The following KNDC1 variants were observed in gnomAD, a reference collection of about 807,000 sequenced individuals.
KNDC1 encodes the protein kinase non-catalytic C-lobe domain containing 1.
Under a neutral mutation model 172.8 loss-of-function variants are expected in KNDC1, and 106 were observed. The observed-to-expected ratio is 0.61, with a 90% CI of 0.52 to 0.72. KNDC1 has a LOEUF of 0.72. KNDC1 is among the 30% of genes least tolerant of loss of function. KNDC1 has a pLI of 0.00. For synonymous variants in KNDC1, 1,083 were observed against 1,062.2 expected (o/e 1.02, Z -0.38); for missense variants, 2,325 against 2,394.5 (o/e 0.97, Z 0.61).
chr10:133,194,631 T>G (rs911165814), intron 9 of KNDC1, among the ~76,000 whole-genome samples: 12 of 152,234 alleles, frequency 7.9e-5, no homozygotes, highest in Non-Finnish European at 1.8e-4. Flanking sequence ...GCTGTCTGCG[T>G]CTGCTGTGCC....
At chr10:133,215,786 G>A (rs1845458643) in intron 26 of KNDC1, among the ~76,000 whole-genome samples, 1 of 152,246 alleles carries the variant, frequency 6.6e-6, no homozygotes, top group African/African-American at 2.4e-5. Flanking sequence ...GCTCGTCCTG[G>A]TCACGCACCC....
chr10:133,179,603 A>C (rs11101615), intron 3 of KNDC1, among the ~76,000 whole-genome samples: 59,044 of 151,612 alleles, frequency 0.39, 13,278 homozygotes, highest in South Asian at 0.65. Flanking sequence ...TGAACTGAAA[A>C]CCACTTGGCT....
intron 10 of KNDC1, 36 bp downstream of exon 10, chr10:133,195,857 C>T: frequency 6.7e-7 from 1 of 1,482,532 alleles, no homozygotes; most frequent in Non-Finnish European, 9.0e-7. Flanking sequence ...AGCCCAGGGT[C>T]CAAGGACTGT....
Position 133,207,266 on chromosome 10 carries a change from G to A in KNDC1, c.3709G>A (p.Val1237Ile), listed in dbSNP as rs199867823. 11 of 1,613,096 alleles carry A rather than the reference G, an allele frequency of 6.8e-6. No homozygotes were observed. Among genetic ancestry groups the A allele is most frequent in the Middle Eastern group, 1.6e-4 (1 of 6,062 alleles). Reference sequence around the variant, plus strand: ...GTCCTCCTCGCTCATCTTCTACAACGTCAACAAGCACCCGGGCGGCCGGCA... The same window carrying A: ...GTCCTCCTCGCTCATCTTCTACAACATCAACAAGCACCCGGGCGGCCGGCA... ...DESSSLIFYN[V>I]NKHPGGRQKA... The change falls in exon 20 of 30, where the codon GTC (valine) becomes ATC (isoleucine). Residue 1237 changes from valine (V) to isoleucine (I), a missense_variant. Physicochemically the swap from Val to Ile is conservative, Grantham distance 29. Transcript: ENST00000304613.
At position 133,162,210 on chromosome 10, in the gene KNDC1, C is replaced by G. The variant is rs1852999042; in HGVS notation, c.102+1641C>G. Among the ~76,000 whole-genome samples the G allele has an allele frequency of 2.6e-5, 4 of 152,212 alleles. No individual in the cohort carries two copies. In the South Asian group the frequency reaches 8.3e-4, roughly 31 times the overall value. The stretch of plus-strand genomic sequence containing the variant: ...CCCAACCCTGTGCCCAGTACTGAGC[C>G]CAACACACCCCATGTCTCAGAATTC... On this transcript the variant is annotated intron_variant, in intron 1 of 29. Coordinates refer to ENST00000304613, the MANE Select transcript of KNDC1 (RefSeq NM_152643.8).
intron 5 of KNDC1, 41 bp from the exon 6 acceptor site, chr10:133,185,916 AGGAGAGGGGAGGGGCGG>A: frequency 5.9e-6 from 6 of 1,019,940 alleles, no homozygotes; most frequent in Non-Finnish European, 7.7e-6. Flanking sequence ...GAGGGGCGGG[AGGAGAGGGGAGGGGCGG>A]GAGGGGCACC....
rs532451558 is a variant in KNDC1 at position 133,167,052 on chromosome 10, C to G, written c.103-329C>G. The G allele has an allele frequency of 1.2e-5, 5 of 403,632 alleles. No individual in the cohort carries two copies. The East Asian group carries it at 2.4e-4, about 20-fold the overall frequency. 25.0% of individuals were successfully genotyped at this position (403,632 alleles called of 1,614,324 possible). On this transcript the variant is annotated intron_variant, in intron 1 of 29. Coordinates refer to ENST00000304613, the MANE Select transcript of KNDC1 (RefSeq NM_152643.8). ...CTCCACAGGCCAGTCCAGCCGTGAG[C>G]CTGCGGGGTCGGGGTGCTCCACGGA...
chr10:133,211,872 T>A lies in KNDC1; in HGVS notation c.4236+14T>A. 5 of 1,598,490 alleles carry A rather than the reference T, an allele frequency of 3.1e-6. No individual in the cohort carries two copies. The highest frequency in any genetic ancestry group is 4.2e-6 in the Non-Finnish European group (5 of 1,176,802). On this transcript the variant is annotated intron_variant, in intron 23 of 29. Transcript: ENST00000304613. ...ATCTCCAGGAAGGTGGGGTCCTTTC[T>A]CAGGGGAGGTCCTCCCTGGACAGGC...
intron 3 of KNDC1, among the ~76,000 whole-genome samples, chr10:133,175,759 AGTAGAGGATGGACGG>A: frequency 6.7e-6 from 1 of 149,182 alleles, no homozygotes; most frequent in Non-Finnish European, 1.5e-5. Flanking sequence ...TGTATGGATT[AGTAGAGGATGGACGG>A]GTGGAGGATG....
intron 26 of KNDC1, among the ~76,000 whole-genome samples, chr10:133,215,545 C>T (rs981114474): frequency 3.9e-5 from 6 of 152,266 alleles, no homozygotes; most frequent in Admixed American, 6.5e-5. Flanking sequence ...TTCACCATAT[C>T]GTGAGGGACA....
intron 3 of KNDC1, among the ~76,000 whole-genome samples, chr10:133,172,734 C>G (rs1853413724): frequency 6.6e-6 from 1 of 152,200 alleles, no homozygotes; most frequent in Non-Finnish European, 1.5e-5. Flanking sequence ...TGGCTCACCC[C>G]TATAATCCCA....
At chr10:133,180,673 C>G (rs1853690205) in intron 3 of KNDC1, among the ~76,000 whole-genome samples, 2 of 152,244 alleles carry the variant, frequency 1.3e-5, no homozygotes, top group Non-Finnish European at 2.9e-5. Context: ...TGAGAAGACA[C>G]ACGCACAACG....
intron 12 of KNDC1, 45 bp from the exon 13 acceptor site, chr10:133,198,292 G>C: frequency 4.7e-6 from 7 of 1,502,346 alleles, no homozygotes; most frequent in Non-Finnish European, 6.2e-6. Flanking sequence ...GGCACGTGCT[G>C]GGGCCACTCC....
At chr10:133,190,821 T>C (rs1854055341) in intron 9 of KNDC1, among the ~76,000 whole-genome samples, 1 of 151,944 alleles carries the variant, frequency 6.6e-6, no homozygotes, top group Non-Finnish European at 1.5e-5. Context: ...CCTCAGGGGG[T>C]TGGTGCTGTG....
chr10:133,187,794 A>G (rs1853961966), intron 6 of KNDC1, among the ~76,000 whole-genome samples: 2 of 152,150 alleles, frequency 1.3e-5, no homozygotes, highest in South Asian at 4.1e-4. Flanking sequence ...CCACCACTTC[A>G]ACCCTCTGCA....
At chr10:133,212,063 C>T (rs1417201578) in intron 23 of KNDC1, among the ~76,000 whole-genome samples, 1 of 152,190 alleles carries the variant, frequency 6.6e-6, no homozygotes, top group Non-Finnish European at 1.5e-5. Flanking sequence ...CACACGTGCA[C>T]ATATGCATGC....
chr10:133,199,895 G>A (rs1330226748), intron 15 of KNDC1, among the ~76,000 whole-genome samples: 1 of 152,192 alleles, frequency 6.6e-6, no homozygotes, highest in Non-Finnish European at 1.5e-5. Context: ...GGCCTGGGCA[G>A]TGATGGCCAC....
At chr10:133,200,166 G>A (rs1854319578) in intron 15 of KNDC1, among the ~76,000 whole-genome samples, 1 of 152,188 alleles carries the variant, frequency 6.6e-6, no homozygotes, top group Non-Finnish European at 1.5e-5. Flanking sequence ...CTGAGAGGCT[G>A]CTCCCGAGTC....
chr10:133,183,627 T>A, intron 4 of KNDC1, 137 bp downstream of exon 4: 3 of 1,100,570 alleles, frequency 2.7e-6, no homozygotes, highest in Non-Finnish European at 3.8e-6. Flanking sequence ...GCATTTTGCT[T>A]AAAGGAGGAC....
Sources: gnomAD v4.1 joint callset for allele counts (sites outside exome capture counted in the v4.1 genomes callset) on GRCh38, gnomAD v4.1.1 for gene constraint, MANE v1.5 for transcripts, NCBI Gene and HGNC (gene_info 2026-07-23, HGNC 2026-07-21) for gene names.